The following GDA variants were observed in gnomAD, a reference collection of about 807,000 sequenced individuals.
GDA encodes the protein guanine deaminase, also known as cytoplasmic PSD-95 interactor.
In GDA, 18 loss-of-function variants were observed where a neutral mutation model predicts 59.6. The ratio of observed to expected loss-of-function variants is 0.30; its 90% CI spans 0.21 to 0.45. The LOEUF is 0.45. GDA is among the 20% of genes least tolerant of loss of function. GDA has a pLI of 1.00. For missense variants in GDA, 427 were observed against 552.3 expected (o/e 0.77, Z 2.27); for synonymous variants, 201 against 201.1 (o/e 1.00, Z 0.00).
At chr9:72,121,035 ACAGGCG>A in intron 1 of GDA, among the ~76,000 whole-genome samples, 1 of 152,292 alleles carries the variant, frequency 6.6e-6, no homozygotes, top group Admixed American at 6.5e-5. Flanking sequence ...TACTTCAACC[ACAGGCG>A]TTTCAATACC....
At chr9:72,182,267 C>T (rs574016740) in intron 1 of GDA, among the ~76,000 whole-genome samples, 2 of 152,302 alleles carry the variant, frequency 1.3e-5, no homozygotes, top group South Asian at 4.1e-4. Flanking sequence ...ATTCAGAATC[C>T]ACTCCAGAAC....
At chr9:72,207,066 G>A (rs1834815169) in intron 3 of GDA, among the ~76,000 whole-genome samples, 2 of 151,854 alleles carry the variant, frequency 1.3e-5, no homozygotes, top group Admixed American at 1.3e-4. Flanking sequence ...TAATTTTCTG[G>A]CCTTTGAGAT....
intron 2 of GDA, among the ~76,000 whole-genome samples, chr9:72,197,304 T>TC (rs1833312673): frequency 6.6e-6 from 1 of 152,204 alleles, no homozygotes; most frequent in Non-Finnish European, 1.5e-5. Context: ...CTGCTGCCTC[T>TC]CTATGGGCTT....
intron 12 of GDA, among the ~76,000 whole-genome samples, chr9:72,246,512 G>T (rs1270271353): frequency 2.6e-5 from 4 of 152,220 alleles, no homozygotes. Flanking sequence ...CAAGAAACAG[G>T]TAAACTTGGA....
At chr9:72,254,301 A>G (rs1031616153), downstream of GDA, among the ~76,000 whole-genome samples, 2 of 152,202 alleles carry the variant, frequency 1.3e-5, no homozygotes, top group African/African-American at 4.8e-5. Context: ...TCATGCGTCT[A>G]TAATAGTTGA....
chr9:72,194,537 A>G (rs1832923864), intron 1 of GDA, among the ~76,000 whole-genome samples: 1 of 152,052 alleles, frequency 6.6e-6, no homozygotes, highest in Non-Finnish European at 1.5e-5. Context: ...AGTGGAAGGA[A>G]GGAGTCTCTT....
In GDA at chr9:72,228,278, C is replaced by CA. The variant is rs1159173468; in HGVS notation, c.920+245dup. ...ATCTTCTGAAATCTCTGAGTTTGTA[C>CA]AAAAAAAGGACAATAGGGAATACAA... On this transcript the variant is annotated intron_variant, in intron 9 of 13. Transcript: ENST00000358399. The CA allele has an allele frequency of 3.2e-5, 14 of 440,124 alleles. No homozygotes were observed. In the East Asian group the frequency reaches 3.8e-4, roughly 12 times the overall value. The allele number at this position is 440,124 out of a possible 1,614,324, so 27.3% of individuals were successfully genotyped here. A position where few individuals can be genotyped will look rare whatever the true frequency, so the allele number is the denominator to read the frequency against.
intron 1 of GDA, among the ~76,000 whole-genome samples, chr9:72,154,846 GC>G (rs1350512938): frequency 6.6e-6 from 1 of 152,208 alleles, no homozygotes; most frequent in Non-Finnish European, 1.5e-5. Flanking sequence ...TGGCACGGGA[GC>G]TAAGACTTGT....
chr9:72,148,639 G>A (rs183746608), upstream of GDA, among the ~76,000 whole-genome samples: 1 of 152,224 alleles, frequency 6.6e-6, no homozygotes, highest in East Asian at 1.9e-4. Flanking sequence ...GGAACTTAGT[G>A]AAGGACCCTG....
chr9:72,128,587 T>C (rs1303361632), intron 1 of GDA, among the ~76,000 whole-genome samples: 2 of 152,216 alleles, frequency 1.3e-5, no homozygotes, highest in Non-Finnish European at 2.9e-5. Flanking sequence ...TATAATATCA[T>C]GTAATAAACA....
At chr9:72,160,366 A>C (rs1828462241) in intron 1 of GDA, among the ~76,000 whole-genome samples, 1 of 152,076 alleles carries the variant, frequency 6.6e-6, no homozygotes, top group East Asian at 1.9e-4. Flanking sequence ...AGGGAAACTC[A>C]TTGCCCATTA....
chr9:72,168,483 C>T (rs7873543), intron 1 of GDA, among the ~76,000 whole-genome samples: 27,800 of 150,004 alleles, frequency 0.19, 2,922 homozygotes, highest in African/African-American at 0.3. Flanking sequence ...CAACCTCTTC[C>T]TTCCAGGTTC....
rs148612641 is a variant in GDA at position 72,170,390 on chromosome 9, G to A, written c.123+20708G>A. ...AAAGCTCATAGCTGTCTTCATACCA[G>A]TATAGATCTTTCTTAGCACATAACT... On this transcript the variant is annotated intron_variant, in intron 1 of 13. Coordinates refer to ENST00000358399, the MANE Select transcript of GDA (RefSeq NM_004293.5). 3.3e-3 allele frequency among the ~76,000 whole-genome samples: 497 copies of A among 152,268 alleles called. 3 individuals are homozygous for A. Among genetic ancestry groups the A allele is most frequent in the African/African-American group, 0.012 (482 of 41,534 alleles).
chr9:72,254,827 A>G (rs1170000348), downstream of GDA, among the ~76,000 whole-genome samples: 1 of 152,198 alleles, frequency 6.6e-6, no homozygotes, highest in Non-Finnish European at 1.5e-5. Flanking sequence ...GTGCCCTGGA[A>G]CACTTGAGAG....
At chr9:72,187,342 T>C (rs1831983773) in intron 1 of GDA, among the ~76,000 whole-genome samples, 1 of 152,172 alleles carries the variant, frequency 6.6e-6, no homozygotes, top group Admixed American at 6.5e-5. Context: ...GTAGTGGTTA[T>C]CTTGACAGTG....
At chr9:72,162,157 GAC>G in intron 1 of GDA, among the ~76,000 whole-genome samples, 1 of 152,112 alleles carries the variant, frequency 6.6e-6, no homozygotes, top group South Asian at 2.1e-4. Flanking sequence ...GCAGAGCGTG[GAC>G]TCAATGGTCT....
chr9:72,189,166 C>CTTTTTTTT lies in GDA; in HGVS notation c.124-6311_124-6304dup, dbSNP rs71493640. Among the ~76,000 whole-genome samples, 6 of 54,940 alleles carry CTTTTTTTT rather than the reference C, an allele frequency of 1.1e-4. 1 individual carries two copies. The highest frequency in any genetic ancestry group is 2.3e-4 in the African/African-American group (2 of 8,734). The allele number at this position is 54,940 out of a possible 152,430, so 36.0% of individuals were successfully genotyped here. A position where few individuals can be genotyped will look rare whatever the true frequency, so the allele number is the denominator to read the frequency against. On this transcript the variant is annotated intron_variant, in intron 1 of 13. Coordinates refer to ENST00000358399, the MANE Select transcript of GDA (RefSeq NM_004293.5). ...CATCTGATACAGAGGAGACTCTAGA[C>CTTTTTTTT]TTTTTTTTTTTTTTTTTTTTTTTTT...
chr9:72,234,358 A>G (rs556625743), intron 10 of GDA, among the ~76,000 whole-genome samples: 1 of 152,342 alleles, frequency 6.6e-6, no homozygotes, highest in East Asian at 1.9e-4. Flanking sequence ...ATGCTATATA[A>G]TTGTTAACAT....
chr9:72,164,989 C>CAAA (rs59456635), intron 1 of GDA, among the ~76,000 whole-genome samples: 5,766 of 130,690 alleles, frequency 0.044, 135 homozygotes, highest in Non-Finnish European at 0.059. Context: ...GACTCCATCT[C>CAAA]AAAAAAAAAA....
Sources: gnomAD v4.1 joint callset for allele counts (sites outside exome capture counted in the v4.1 genomes callset) on GRCh38, gnomAD v4.1.1 for gene constraint, MANE v1.5 for transcripts, NCBI Gene and HGNC (gene_info 2026-07-23, HGNC 2026-07-21) for gene names.